The following KAT2B variants were observed in gnomAD, a reference collection of about 807,000 sequenced individuals.
KAT2B encodes histone acetyltransferase KAT2B.
In KAT2B, 36 loss-of-function variants were observed where a neutral mutation model predicts 105.9. That is an observed-to-expected ratio of 0.34 (90% CI 0.26 to 0.45). The LOEUF is 0.45. Ranked by LOEUF, KAT2B falls within the 20% of genes least tolerant of loss-of-function variation. The pLI, the probability that KAT2B is intolerant of heterozygous loss-of-function variation, is 1.00. For missense variants in KAT2B, 820 were observed against 1,021.6 expected (o/e 0.80, Z 2.69); for synonymous variants, 397 against 377.9 (o/e 1.05, Z -0.59).
At position 20,153,728 on chromosome 3, in the gene KAT2B, A is replaced by G. The variant is rs529438348; in HGVS notation, c.*1203A>G. 4 of 152,570 alleles carry G rather than the reference A, an allele frequency of 2.6e-5. No homozygotes were observed. Among genetic ancestry groups the G allele is most frequent in the African/African-American group, 4.8e-5 (2 of 41,442 alleles). The allele number at this position is 152,570 out of a possible 1,614,324, so 9.5% of individuals were successfully genotyped here. On this transcript the variant is annotated 3_prime_UTR_variant, in exon 18 of 18. Transcript: ENST00000263754. The stretch of plus-strand genomic sequence containing the variant: ...CTCTGGGAAAACCAACTAATATACA[A>G]CCATATAAATGAAGGCCATCTTGAT...
At chr3:20,077,054 A>G (rs1013333894) in intron 2 of KAT2B, among the ~76,000 whole-genome samples, 2 of 152,030 alleles carry the variant, frequency 1.3e-5, no homozygotes, top group Non-Finnish European at 2.9e-5. Context: ...TCTCCTGACA[A>G]TTTCTTTCAT....
chr3:20,087,281 A>AGGAT (rs1382207244), intron 2 of KAT2B, among the ~76,000 whole-genome samples: 3 of 152,218 alleles, frequency 2.0e-5, no homozygotes, highest in Non-Finnish European at 2.9e-5. Context: ...ATCACTGTAT[A>AGGAT]TTAAATGTAT....
rs1350669044 is a variant in KAT2B at position 20,148,256 on chromosome 3, G to T, written c.2170G>T (p.Asp724Tyr). 1 of 1,613,936 alleles carries T rather than the reference G, an allele frequency of 6.2e-7. No individual in the cohort carries two copies. The highest frequency in any genetic ancestry group is 8.5e-7 in the Non-Finnish European group (1 of 1,179,854). Reference protein sequence around the residue: ...SGKEKSKEPRDPDQLYSTLKS... With the variant: ...SGKEKSKEPRYPDQLYSTLKS... ...TTTCCTTTCAAGTAAAGAGCCCAGAGACCCTGACCAGCTTTACAGCACGCT... is the reference window on the plus strand; with the variant it reads ...TTTCCTTTCAAGTAAAGAGCCCAGATACCCTGACCAGCTTTACAGCACGCT... The change falls in exon 16 of 18, where the codon GAC (aspartate) becomes TAC (tyrosine). Residue 724 changes from aspartate to tyrosine, a missense_variant. This residue lies in a region of KAT2B where 227 missense variants were observed against 292.9 expected (regional missense o/e 0.77). Coordinates refer to ENST00000263754, the MANE Select transcript of KAT2B (RefSeq NM_003884.5).
chr3:20,093,563 G>T (rs1425371840), intron 2 of KAT2B, among the ~76,000 whole-genome samples: 1 of 152,156 alleles, frequency 6.6e-6, no homozygotes, highest in South Asian at 2.1e-4. Flanking sequence ...ACTGAGCATT[G>T]TGGTTCAATG....
At position 20,127,561 on chromosome 3, in the gene KAT2B, C is replaced by T; in HGVS notation, c.1749+12C>T. ...ATGAGCAAGTCAAGGTAAGGGTAAA[C>T]CCAAGGTCTTAGAAGAAGAGCAGAA... On this transcript the variant is annotated intron_variant, in intron 11 of 17. Transcript: ENST00000263754. The T allele has an allele frequency of 1.2e-6, 2 of 1,612,614 alleles. No homozygotes were observed. Among genetic ancestry groups the T allele is most frequent in the South Asian group, 1.1e-5 (1 of 90,918 alleles).
chr3:20,052,193 G>C (rs981090133), intron 1 of KAT2B, among the ~76,000 whole-genome samples: 1 of 152,076 alleles, frequency 6.6e-6, no homozygotes, highest in African/African-American at 2.4e-5. Context: ...CTGACTCTCC[G>C]GTCTAAAGTA....
At position 20,152,675 on chromosome 3, in the gene KAT2B, T is replaced by C. The variant is rs1267089860; in HGVS notation, c.*150T>C. On this transcript the variant is annotated 3_prime_UTR_variant, in exon 18 of 18. Coordinates refer to ENST00000263754, the MANE Select transcript of KAT2B (RefSeq NM_003884.5). ...TTTGAAAAAACAAAAAACCTCCTTTTAGCTTTTCAGATATGTATTTAAATT... is the reference window on the plus strand; with the variant it reads ...TTTGAAAAAACAAAAAACCTCCTTTCAGCTTTTCAGATATGTATTTAAATT... The C allele has an allele frequency of 3.8e-5, 21 of 554,330 alleles. No individual in the cohort carries two copies. The highest frequency in any genetic ancestry group is 4.7e-5 in the Non-Finnish European group (15 of 318,480). 34.3% of individuals were successfully genotyped at this position (554,330 alleles called of 1,614,324 possible).
At chr3:20,060,171 A>G (rs1032757359) in intron 1 of KAT2B, among the ~76,000 whole-genome samples, 13 of 152,250 alleles carry the variant, frequency 8.5e-5, no homozygotes, top group African/African-American at 3.1e-4. Flanking sequence ...TTTGGCTATC[A>G]TGAATAATGT....
In KAT2B at chr3:20,095,400, CTATT is replaced by C; in HGVS notation, c.571_574del (p.Phe191SerfsTer3). 1 of 1,583,072 alleles carries C rather than the reference CTATT, an allele frequency of 6.3e-7. No individual in the cohort carries two copies. The highest frequency in any genetic ancestry group is 8.7e-7 in the Non-Finnish European group (1 of 1,154,906). ...AGATACCAAACAAGTTTATTTCTAT[CTATT>C]TAAGGTGAGATTTTAACATTTTAAA... On this transcript the variant is annotated frameshift_variant, in exon 3 of 18. Transcript: ENST00000263754. LOFTEE classifies it high-confidence loss of function.
chr3:20,113,942 A>ATG (rs1231274419), intron 6 of KAT2B, among the ~76,000 whole-genome samples: 3 of 89,066 alleles, frequency 3.4e-5, no homozygotes, highest in Admixed American at 1.0e-4. Context: ...TCAGGGAAAA[A>ATG]ATGAAGAAGA....
intron 1 of KAT2B, among the ~76,000 whole-genome samples, chr3:20,070,870 G>A (rs1174469396): frequency 6.6e-6 from 1 of 151,680 alleles, no homozygotes. Flanking sequence ...TTAGCTGGGT[G>A]TGGTGGTGCA....
intron 1 of KAT2B, among the ~76,000 whole-genome samples, 200 bp downstream of exon 1, chr3:20,040,980 A>T (rs1697707750): frequency 6.6e-6 from 1 of 152,112 alleles, no homozygotes; most frequent in African/African-American, 2.4e-5. Flanking sequence ...GGTTTGAAGA[A>T]GGGGGATCAC....
chr3:20,048,778 A>G (rs1575103401), intron 1 of KAT2B, among the ~76,000 whole-genome samples: 1 of 152,168 alleles, frequency 6.6e-6, no homozygotes, highest in East Asian at 1.9e-4. Flanking sequence ...TCAAACGGGG[A>G]ATTAGAACAG....
intron 2 of KAT2B, among the ~76,000 whole-genome samples, chr3:20,077,459 T>C (rs1698438974): frequency 6.6e-6 from 1 of 152,236 alleles, no homozygotes; most frequent in African/African-American, 2.4e-5. Flanking sequence ...TCTAGACCTA[T>C]GCTGTACAAT....
chr3:20,049,486 T>C (rs1697876555), intron 1 of KAT2B, among the ~76,000 whole-genome samples: 1 of 152,218 alleles, frequency 6.6e-6, no homozygotes, highest in Admixed American at 6.5e-5. Flanking sequence ...TGGTTACTCA[T>C]GAAAGCGTCT....
At chr3:20,057,569 G>T (rs1395736266) in intron 1 of KAT2B, among the ~76,000 whole-genome samples, 3 of 152,200 alleles carry the variant, frequency 2.0e-5, no homozygotes, top group Admixed American at 1.3e-4. Flanking sequence ...GTCGAAGTCT[G>T]AGCTGACTGC....
intron 17 of KAT2B, 164 bp downstream of exon 17, chr3:20,148,651 T>G (rs1699818201): frequency 1.8e-6 from 1 of 568,174 alleles, no homozygotes; most frequent in Non-Finnish European, 3.1e-6. Flanking sequence ...GGCAGAGAAG[T>G]GGGTGGCTGT....
intron 1 of KAT2B, among the ~76,000 whole-genome samples, chr3:20,055,410 A>G (rs989423368): frequency 6.6e-6 from 1 of 152,162 alleles, no homozygotes; most frequent in Non-Finnish European, 1.5e-5. Context: ...AATAACAGAA[A>G]GTGGTAAGTG....
At chr3:20,046,179 A>G (rs1697807397) in intron 1 of KAT2B, among the ~76,000 whole-genome samples, 1 of 152,238 alleles carries the variant, frequency 6.6e-6, no homozygotes, top group African/African-American at 2.4e-5. Context: ...CTCGTATATC[A>G]GAGTCAGTGG....
Sources: allele counts gnomAD v4.1 joint callset (sites outside exome capture counted in the v4.1 genomes callset), GRCh38; gene constraint gnomAD v4.1.1; regional missense constraint gnomAD v4.1.1; transcripts MANE v1.5; gene names NCBI Gene and HGNC (gene_info 2026-07-23, HGNC 2026-07-21).